Variants in SCN11A observed in about 807,000 individuals in gnomAD.
SCN11A encodes sodium voltage-gated channel alpha subunit 11, also known as sodium channel protein type 11 subunit alpha.
SCN11A carries 122 observed loss-of-function variants against 162.2 expected under a neutral mutation model. The ratio of observed to expected loss-of-function variants is 0.75; its 90% CI spans 0.65 to 0.87. The LOEUF (loss-of-function observed/expected upper bound fraction) is 0.87. SCN11A is among the 40% of genes least tolerant of loss of function. The pLI is 0.00. For synonymous variants in SCN11A, 758 were observed against 751.5 expected (o/e 1.01, Z -0.14); for missense variants, 2,015 against 2,181.6 (o/e 0.92, Z 1.52).
At chr3:38,976,881 T>C (rs575799568) in intron 2 of SCN11A, among the ~76,000 whole-genome samples, 3 of 152,350 alleles carry the variant, frequency 2.0e-5, no homozygotes, top group African/African-American at 7.2e-5. Flanking sequence ...ACGCTCTGAA[T>C]AATGACAGAC....
intron 4 of SCN11A, among the ~76,000 whole-genome samples, chr3:38,952,174 G>A (rs576029892): frequency 3.3e-5 from 5 of 152,248 alleles, no homozygotes; most frequent in Non-Finnish European, 5.9e-5. Context: ...GCGAGAGTCC[G>A]AGGCTTCATT....
chr3:39,046,783 T>C (rs116455363), intron 1 of SCN11A, among the ~76,000 whole-genome samples: 2,376 of 152,294 alleles, frequency 0.016, 70 homozygotes, highest in African/African-American at 0.055. Context: ...TGCAATGATG[T>C]GATCTCTGCT....
At position 38,995,807 on chromosome 3, in the gene SCN11A, ATCTATCTATCTG is replaced by A. The variant is rs1379206389; in HGVS notation, c.-279-35396_-279-35385del. On this transcript the variant is annotated intron_variant, in intron 2 of 29. Transcript: ENST00000302328. ...ATTTCTCACAATAAATTGTCTATCT[ATCTATCTATCTG>A]TCTATCTATCTATCTATCTATCTAT... is the stretch of plus-strand genomic sequence containing the variant. Among the ~76,000 whole-genome samples, 408 of 145,498 alleles carry A rather than the reference ATCTATCTATCTG, an allele frequency of 2.8e-3. 3 individuals are homozygous for A. Among genetic ancestry groups the A allele is most frequent in the African/African-American group, 9.3e-3 (339 of 36,494 alleles).
At chr3:38,911,140 A>G (rs1167734864) in intron 11 of SCN11A, among the ~76,000 whole-genome samples, 2 of 152,168 alleles carry the variant, frequency 1.3e-5, no homozygotes, top group Non-Finnish European at 2.9e-5. Context: ...TTGCTATGGT[A>G]GACATTTTTT....
chr3:38,875,006 C>A (rs1281721594), intron 23 of SCN11A, among the ~76,000 whole-genome samples: 5 of 151,990 alleles, frequency 3.3e-5, no homozygotes, highest in Non-Finnish European at 5.9e-5. Flanking sequence ...CACATACATT[C>A]TCTCATTTAA....
At chr3:38,906,875 T>C (rs2065800527) in intron 14 of SCN11A, among the ~76,000 whole-genome samples, 1 of 152,132 alleles carries the variant, frequency 6.6e-6, no homozygotes, top group Non-Finnish European at 1.5e-5. Flanking sequence ...CACTATAGCC[T>C]TGTGCCACCC....
chr3:39,005,774 C>A (rs1341573352), intron 2 of SCN11A, among the ~76,000 whole-genome samples: 1 of 152,192 alleles, frequency 6.6e-6, no homozygotes, highest in Admixed American at 6.5e-5. Flanking sequence ...TTGAACAAAA[C>A]CCTCAATCAG....
At chr3:38,932,653 G>C (rs2066261244) in intron 7 of SCN11A, among the ~76,000 whole-genome samples, 1 of 152,216 alleles carries the variant, frequency 6.6e-6, no homozygotes, top group Non-Finnish European at 1.5e-5. Context: ...CTGCAAGGCA[G>C]CAGGGAGGCT....
At position 38,926,878 on chromosome 3, in the gene SCN11A, C is replaced by T; in HGVS notation, c.542G>A (p.Arg181Lys). 1.2e-6 allele frequency: 2 copies of T among 1,613,470 alleles called. No individual in the cohort carries two copies. The highest frequency in any genetic ancestry group is 1.7e-6 in the Non-Finnish European group (2 of 1,179,348). The change falls in exon 8 of 30, where the codon AGA (arginine) becomes AAA (lysine). Residue 181 changes from arginine (R) to lysine (K), a missense_variant. Arg to Lys is a conservative substitution (Grantham distance 26). Transcript: ENST00000302328. ...AGAAAACTCATCCAGAATGAAACCT[C>T]TTGCCAATATTTTAATCAAAGCTTC... ...IFEALIKILA[R>K]GFILDEFSFL...
At chr3:38,935,771 A>T (rs546560776) in intron 7 of SCN11A, among the ~76,000 whole-genome samples, 175 of 152,374 alleles carry the variant, frequency 1.1e-3, no homozygotes, top group Admixed American at 2.6e-3. Flanking sequence ...ATGGATTCAC[A>T]GCCAAATTCT....
At chr3:38,917,710 T>C (rs780289489) in intron 11 of SCN11A, among the ~76,000 whole-genome samples, 14 of 152,104 alleles carry the variant, frequency 9.2e-5, no homozygotes, top group Non-Finnish European at 1.9e-4. Flanking sequence ...AAATAACTAA[T>C]GGGTACTAGA....
chr3:38,846,742 T>C lies in SCN11A; in HGVS notation c.5328A>G (p.Gly1776=). The change falls in exon 30 of 30, where the codon GGA becomes GGG. Residue 1776 remains glycine, a synonymous_variant. Transcript: ENST00000302328. The part of the protein sequence containing the change: ...PHSPLQTLCN[G]DLSSFGVAKG... ...TGGCCACCCCAAAGCTAGACAAGTC[T>C]CCATTGCAAAGAGTCTGGAGTGGTG... 1 of 1,614,104 alleles carries C rather than the reference T, an allele frequency of 6.2e-7. No homozygotes were observed. The highest frequency in any genetic ancestry group is 2.2e-5 in the East Asian group (1 of 44,868).
At chr3:38,922,527 C>T (rs2066069999) in intron 9 of SCN11A, among the ~76,000 whole-genome samples, 1 of 152,044 alleles carries the variant, frequency 6.6e-6, no homozygotes. Flanking sequence ...CTATATTCAC[C>T]TGTGTGGAGA....
chr3:38,917,535 C>T (rs1418962262), intron 11 of SCN11A, among the ~76,000 whole-genome samples: 1 of 152,148 alleles, frequency 6.6e-6, no homozygotes, highest in South Asian at 2.1e-4. Context: ...GAGCTGGAGG[C>T]TATTAACCTT....
intron 9 of SCN11A, among the ~76,000 whole-genome samples, chr3:38,925,080 T>G (rs1288042620): frequency 6.6e-6 from 1 of 152,072 alleles, no homozygotes; most frequent in Non-Finnish European, 1.5e-5. Flanking sequence ...GGTGTCTACT[T>G]TTTCTTTATA....
At chr3:38,926,690 G>A in intron 8 of SCN11A, 113 bp downstream of exon 8, 1 of 1,066,402 alleles carries the variant, frequency 9.4e-7, no homozygotes, top group Non-Finnish European at 1.4e-6. Flanking sequence ...AGAGCTCTAG[G>A]CATTACTAGG....
Position 38,871,621 on chromosome 3 carries a change from GAATACAA to G in SCN11A, c.3576_3582del (p.Cys1193TrpfsTer21). 1 of 1,612,336 alleles carries G rather than the reference GAATACAA, an allele frequency of 6.2e-7. No homozygotes were observed. Among genetic ancestry groups the G allele is most frequent in the Non-Finnish European group, 8.5e-7 (1 of 1,178,752 alleles). ...TTTCCAGAAAAGAAGTATACTCCCA[GAATACAA>G]AATACGAGCCAGAAAATGAGGCAGA... On this transcript the variant is annotated frameshift_variant, in exon 25 of 30. Coordinates refer to ENST00000302328, the MANE Select transcript of SCN11A (RefSeq NM_001349253.2). LOFTEE classifies it high-confidence loss of function.
intron 7 of SCN11A, among the ~76,000 whole-genome samples, chr3:38,934,077 C>A (rs1041853450): frequency 2.0e-5 from 3 of 152,194 alleles, no homozygotes; most frequent in African/African-American, 7.2e-5. Context: ...ATTCAACATT[C>A]TTAAAGAAAA....
intron 16 of SCN11A, among the ~76,000 whole-genome samples, chr3:38,900,627 CAA>C (rs200757973): frequency 0.028 from 2,809 of 101,738 alleles, 84 homozygotes; most frequent in African/African-American, 0.077. Context: ...CTTCCAGGGG[CAA>C]AAAAAAAAAA....
Sources: allele counts gnomAD v4.1 joint callset (sites outside exome capture counted in the v4.1 genomes callset), GRCh38; gene constraint gnomAD v4.1.1; transcripts MANE v1.5; gene names NCBI Gene and HGNC (gene_info 2026-07-23, HGNC 2026-07-21).